Variants in INPP5A observed in about 807,000 individuals in gnomAD.
INPP5A encodes inositol polyphosphate-5-phosphatase A.
A neutral mutation model predicts 65.2 loss-of-function variants in INPP5A; 14 were observed. The observed-to-expected ratio is 0.21, with a 90% CI of 0.14 to 0.34. The LOEUF is 0.34. Ranked by LOEUF, INPP5A falls within the 10% of genes least tolerant of loss-of-function variation. INPP5A has a pLI of 1.00. For missense variants in INPP5A, 431 were observed against 545.6 expected (o/e 0.79, Z 2.09); for synonymous variants, 207 against 208.3 (o/e 0.99, Z 0.05).
At chr10:132,735,679 C>T (rs1359147491) in intron 9 of INPP5A, among the ~76,000 whole-genome samples, 1 of 152,222 alleles carries the variant, frequency 6.6e-6, no homozygotes, top group Non-Finnish European at 1.5e-5. Context: ...TTGGTGCCCT[C>T]AGTGGCAGGC....
chr10:132,562,955 TGGCCATGCC>T (rs2071224560), intron 1 of INPP5A, among the ~76,000 whole-genome samples: 1 of 152,188 alleles, frequency 6.6e-6, no homozygotes, highest in African/African-American at 2.4e-5. Context: ...TGCTCTTCCC[TGGCCATGCC>T]GGCTGCTCTG....
At chr10:132,703,174 G>A (rs936483597) in intron 6 of INPP5A, among the ~76,000 whole-genome samples, 8 of 152,104 alleles carry the variant, frequency 5.3e-5, no homozygotes, top group Non-Finnish European at 7.4e-5. Context: ...CACCTGTCCC[G>A]GTCGCTTGGT....
intron 11 of INPP5A, among the ~76,000 whole-genome samples, chr10:132,765,071 C>CGT (rs1565007994): frequency 3.4e-5 from 5 of 146,218 alleles, no homozygotes; most frequent in African/African-American, 1.3e-4. Context: ...GAAACACGAC[C>CGT]GGGTCAGTCC....
In INPP5A at chr10:132,762,674, C is replaced by A. The variant is rs150889668; in HGVS notation, c.904-3099C>A. On this transcript the variant is annotated intron_variant, in intron 11 of 15. Coordinates refer to ENST00000368594, the MANE Select transcript of INPP5A (RefSeq NM_005539.5). The surrounding 1 kb of genome is among the most constrained non-coding windows in gnomAD (Gnocchi z 4.6). ...AAGCTTAAAAACATGTAGGCTGAGG[C>A]GAGCTGCTTTTTGTGGACTCATGCA... 1.3e-5 allele frequency among the ~76,000 whole-genome samples: 2 copies of A among 151,558 alleles called. No individual in the cohort carries two copies. The highest frequency in any genetic ancestry group is 2.9e-5 in the Non-Finnish European group (2 of 68,016).
intron 2 of INPP5A, among the ~76,000 whole-genome samples, chr10:132,621,557 A>G (rs1272887003): frequency 6.6e-6 from 1 of 152,204 alleles, no homozygotes; most frequent in Non-Finnish European, 1.5e-5. Context: ...ACAAAGGGTC[A>G]TATTCTTTTG....
chr10:132,607,824 C>T, intron 1 of INPP5A, 91 bp from the exon 2 acceptor site: 1 of 1,277,816 alleles, frequency 7.8e-7, no homozygotes, highest in Non-Finnish European at 1.1e-6. Context: ...TCTGCTCCTG[C>T]CCCACGTTGT....
intron 1 of INPP5A, among the ~76,000 whole-genome samples, chr10:132,539,838 AG>A (rs2070887057): frequency 6.6e-6 from 1 of 152,264 alleles, no homozygotes. Context: ...GATGAAGCTC[AG>A]TTCATGCACA....
chr10:132,648,268 T>C (rs1195263182), intron 3 of INPP5A, among the ~76,000 whole-genome samples: 2 of 152,286 alleles, frequency 1.3e-5, no homozygotes, highest in Non-Finnish European at 2.9e-5. Flanking sequence ...ACGGGAACGA[T>C]GCCGCCGTGT....
intron 12 of INPP5A, among the ~76,000 whole-genome samples, chr10:132,766,675 T>G (rs753764069): frequency 6.6e-5 from 10 of 152,338 alleles, no homozygotes; most frequent in Non-Finnish European, 1.3e-4. Flanking sequence ...TCCACGGATG[T>G]GTGTGCACAT....
At chr10:132,569,072 T>C (rs2071306899) in intron 1 of INPP5A, among the ~76,000 whole-genome samples, 1 of 151,952 alleles carries the variant, frequency 6.6e-6, no homozygotes, top group South Asian at 2.1e-4. Flanking sequence ...TGTTCCACCA[T>C]GCCTGTCTAA....
intron 2 of INPP5A, among the ~76,000 whole-genome samples, chr10:132,618,228 G>A: frequency 6.6e-6 from 1 of 152,230 alleles, no homozygotes; most frequent in East Asian, 1.9e-4. Flanking sequence ...ATGTAGAACT[G>A]GTTCAGGGAA....
chr10:132,780,875 C>T lies in INPP5A; in HGVS notation c.1116C>T (p.Thr372=), dbSNP rs1265220796. ...CGGAGAGCGAGGAGAAGGTTGTCAC[C>T]TATGACCACATTGGGCCCAACGTCT... is the stretch of plus-strand genomic sequence containing the variant. The part of the protein sequence containing the change: ...LRSESEEKVV[T]YDHIGPNVCM... Residue 372 remains threonine (T), a synonymous_variant, in exon 14 of 16, where the codon ACC becomes ACT. Transcript: ENST00000368594. 2 of 1,612,118 alleles carry T rather than the reference C, an allele frequency of 1.2e-6. No homozygotes were observed. The highest frequency in any genetic ancestry group is 2.2e-5 in the East Asian group (1 of 44,794).
chr10:132,644,687 G>A lies in INPP5A; in HGVS notation c.118-1181G>A, dbSNP rs1343912163. ...TCGTCCTTTTGGGCCCTCAGTGGCT[G>A]TTGTAGCACCACCACCCCGGCACCA... On this transcript the variant is annotated intron_variant, in intron 2 of 15. Coordinates refer to ENST00000368594, the MANE Select transcript of INPP5A (RefSeq NM_005539.5). The surrounding 1 kb of genome is among the most constrained non-coding windows in gnomAD (Gnocchi z 6.5). Among the ~76,000 whole-genome samples the A allele has an allele frequency of 6.6e-6, 1 of 152,246 alleles. No individual in the cohort carries two copies. The highest frequency in any genetic ancestry group is 1.5e-5 in the Non-Finnish European group (1 of 68,048).
intron 7 of INPP5A, among the ~76,000 whole-genome samples, chr10:132,709,925 C>T (rs1845605289): frequency 6.6e-6 from 1 of 152,222 alleles, no homozygotes; most frequent in Admixed American, 6.5e-5. Context: ...AAATGAAGCA[C>T]TCTTCTTGCC....
At chr10:132,703,970 A>C (rs1460248016) in intron 6 of INPP5A, among the ~76,000 whole-genome samples, 1 of 109,706 alleles carries the variant, frequency 9.1e-6, no homozygotes, top group Admixed American at 1.0e-4. Flanking sequence ...CACATGCCAC[A>C]CACACGCAAG....
chr10:132,705,684 T>C lies in INPP5A; in HGVS notation c.475-2629T>C, dbSNP rs757590075. ...TCTGCTTACCTGGGGCCCGGGACTT[T>C]ACAGGTGAGGGAAGAAGGACCAGCC... is the stretch of plus-strand genomic sequence containing the variant. On this transcript the variant is annotated intron_variant, in intron 6 of 15. Transcript: ENST00000368594. This position sits in a 1 kb window ranked among gnomAD's most constrained non-coding sequence, Gnocchi z 4.9. 3.3e-5 allele frequency among the ~76,000 whole-genome samples: 5 copies of C among 152,224 alleles called. No individual in the cohort carries two copies. Among genetic ancestry groups the C allele is most frequent in the Non-Finnish European group, 5.9e-5 (4 of 68,050 alleles).
chr10:132,660,821 A>T (rs915594483), intron 4 of INPP5A, among the ~76,000 whole-genome samples: 17 of 152,364 alleles, frequency 1.1e-4, no homozygotes, highest in African/African-American at 3.6e-4. Flanking sequence ...TCAAACGTAG[A>T]GTCCTCTGAT....
intron 10 of INPP5A, 34 bp from the exon 11 acceptor site, chr10:132,749,737 G>T: frequency 6.2e-7 from 1 of 1,605,472 alleles, no homozygotes; most frequent in African/African-American, 1.3e-5. Context: ...GGCTGGGGGA[G>T]CTCAGGTGCT....
At chr10:132,648,303 G>C (rs2072526270) in intron 3 of INPP5A, among the ~76,000 whole-genome samples, 1 of 152,288 alleles carries the variant, frequency 6.6e-6, no homozygotes, top group Non-Finnish European at 1.5e-5. Context: ...TCACAGTGGA[G>C]TGTGGCCCCC....
Sources: allele counts gnomAD v4.1 joint callset (sites outside exome capture counted in the v4.1 genomes callset), GRCh38; gene constraint gnomAD v4.1.1; non-coding constraint Gnocchi (gnomAD v3.1); transcripts MANE v1.5; gene names NCBI Gene and HGNC (gene_info 2026-07-23, HGNC 2026-07-21).